ARL8B: variants seen among roughly 807,000 people sequenced by gnomAD.
The protein encoded by ARL8B is ADP-ribosylation factor-like protein 8B.
A neutral mutation model predicts 30.6 loss-of-function variants in ARL8B; 9 were observed. The observed-to-expected ratio is 0.29, with a 90% confidence interval of 0.18 to 0.51. The LOEUF is 0.51. Among genes scored for constraint, ARL8B ranks in the 20% least tolerant of loss-of-function variants. The pLI, the probability that ARL8B is intolerant of heterozygous loss-of-function variation, is 0.97. For missense variants in ARL8B, 130 were observed against 227.2 expected (o/e 0.57, Z 2.75); for synonymous variants, 74 against 76.0 (o/e 0.97, Z 0.14).
In ARL8B at chr3:5,138,190, GT is replaced by G. The variant is rs35653002; in HGVS notation, c.123+15617del. Among the ~76,000 whole-genome samples the G allele has an allele frequency of 2.9e-4, 41 of 141,490 alleles. 1 individual carries two copies. Among genetic ancestry groups the G allele is most frequent in the East Asian group, 1.0e-3 (5 of 4,836 alleles). The allele number at this position is 141,490 out of a possible 152,430, so 92.8% of individuals were successfully genotyped here. A position where few individuals can be genotyped will look rare whatever the true frequency, so the allele number is the denominator to read the frequency against. On this transcript the variant is annotated intron_variant, in intron 1 of 6. Coordinates refer to ENST00000256496, the MANE Select transcript of ARL8B (RefSeq NM_018184.3). ...GTGGAAGAGATGGTGATTGCTCTAA[GT>G]TTTTTTTTTTTTTTCACCAGAGTAG...
chr3:5,136,773 C>A (rs1434093743), intron 1 of ARL8B, among the ~76,000 whole-genome samples: 1 of 152,104 alleles, frequency 6.6e-6, no homozygotes, highest in Non-Finnish European at 1.5e-5. Context: ...GAGACTGAGA[C>A]GCCCAAGATA....
chr3:5,139,500 C>A (rs1458755437), intron 1 of ARL8B, among the ~76,000 whole-genome samples: 1 of 152,144 alleles, frequency 6.6e-6, no homozygotes, highest in African/African-American at 2.4e-5. Context: ...TCCTTGGTCA[C>A]ATTTATAAGT....
chr3:5,159,539 T>C (rs2054562307), intron 1 of ARL8B, among the ~76,000 whole-genome samples: 1 of 145,020 alleles, frequency 6.9e-6, no homozygotes, highest in Non-Finnish European at 1.5e-5. Context: ...GAGGTGGAGT[T>C]TGGGGTGAGC....
chr3:5,147,599 A>G (rs766329816), intron 1 of ARL8B, among the ~76,000 whole-genome samples: 21 of 152,092 alleles, frequency 1.4e-4, no homozygotes, highest in Non-Finnish European at 2.8e-4. Flanking sequence ...TTTTGATTTA[A>G]CGTTTTTCTG....
intron 1 of ARL8B, among the ~76,000 whole-genome samples, chr3:5,167,169 A>G (rs185249254): frequency 6.2e-4 from 94 of 152,314 alleles, no homozygotes; most frequent in Non-Finnish European, 1.2e-3. Flanking sequence ...TTCCAGGTAC[A>G]CTGCCTTGCA....
At chr3:5,130,549 G>A (rs1483490785) in intron 1 of ARL8B, among the ~76,000 whole-genome samples, 8 of 150,644 alleles carry the variant, frequency 5.3e-5, no homozygotes, top group African/African-American at 1.2e-4. Flanking sequence ...TTTTTTTGGC[G>A]GGGGGATGGA....
chr3:5,169,994 C>T (rs866805649), intron 1 of ARL8B, among the ~76,000 whole-genome samples: 5 of 152,116 alleles, frequency 3.3e-5, no homozygotes, highest in Middle Eastern at 3.2e-3. Context: ...ATACTCATGA[C>T]ATTGAGATAA....
chr3:5,125,768 A>T (rs1047576749), intron 1 of ARL8B, among the ~76,000 whole-genome samples: 26 of 152,142 alleles, frequency 1.7e-4, no homozygotes, highest in African/African-American at 6.3e-4. Context: ...CCTGGTCTCA[A>T]GTAATATGCC....
At position 5,161,278 on chromosome 3, in the gene ARL8B, T is replaced by C. The variant is rs537613521; in HGVS notation, c.124-9225T>C. On this transcript the variant is annotated intron_variant, in intron 1 of 6. Transcript: ENST00000256496. ...AAGGCAAATCTGATTGTTTGCCAGA[T>C]TACCATAAACTCAGCAACATCAAAA... Among the ~76,000 whole-genome samples the C allele has an allele frequency of 5.9e-5, 9 of 152,256 alleles. No homozygotes were observed. The South Asian group carries it at 1.9e-3, about 32-fold the overall frequency.
In ARL8B at chr3:5,122,688, A is replaced by C. The variant is rs906194658; in HGVS notation, c.123+100A>C. ...TTGGGGCCCCCCTCGGCGCGATGGG[A>C]CTGATGGCGGGGGGCGTGCGAAGCT... On this transcript the variant is annotated intron_variant, in intron 1 of 6. Coordinates refer to ENST00000256496, the MANE Select transcript of ARL8B (RefSeq NM_018184.3). 79 of 1,341,012 alleles carry C rather than the reference A, an allele frequency of 5.9e-5. No homozygotes were observed. The Admixed American group carries it at 1.2e-3, about 21-fold the overall frequency. 83.1% of individuals were successfully genotyped at this position (1,341,012 alleles called of 1,614,324 possible).
chr3:5,148,883 A>G (rs2054453177), intron 1 of ARL8B, among the ~76,000 whole-genome samples: 1 of 152,148 alleles, frequency 6.6e-6, no homozygotes, highest in Non-Finnish European at 1.5e-5. Context: ...GGAATGTCAG[A>G]GGGAGTCTCT....
At chr3:5,130,400 T>A (rs2054272318) in intron 1 of ARL8B, among the ~76,000 whole-genome samples, 1 of 152,160 alleles carries the variant, frequency 6.6e-6, no homozygotes, top group Non-Finnish European at 1.5e-5. Flanking sequence ...CCCCTTTACT[T>A]ATCATGCTGC....
chr3:5,174,233 G>C (rs2054704986), intron 5 of ARL8B, 111 bp from the exon 6 acceptor site: 2 of 1,067,682 alleles, frequency 1.9e-6, no homozygotes, highest in South Asian at 2.7e-5. Flanking sequence ...TTTTAGGATT[G>C]CTACGATGAT....
intron 1 of ARL8B, among the ~76,000 whole-genome samples, chr3:5,159,356 A>T (rs974105620): frequency 6.6e-6 from 1 of 150,702 alleles, no homozygotes; most frequent in African/African-American, 2.4e-5. Context: ...TAATCCCAGC[A>T]CTTTGGGAGG....
At chr3:5,172,470 C>G (rs1310181054) in intron 3 of ARL8B, among the ~76,000 whole-genome samples, 177 bp from the exon 4 acceptor site, 1 of 152,108 alleles carries the variant, frequency 6.6e-6, no homozygotes, top group South Asian at 2.1e-4. Flanking sequence ...GTATTAGTCT[C>G]TAAAAACAGT....
chr3:5,135,109 A>C (rs533055083), intron 1 of ARL8B, among the ~76,000 whole-genome samples: 2 of 151,984 alleles, frequency 1.3e-5, no homozygotes, highest in Non-Finnish European at 2.9e-5. Context: ...TCAGCCTCCC[A>C]AAGTGTTGGG....
At chr3:5,150,250 G>GT (rs2054468185) in intron 1 of ARL8B, among the ~76,000 whole-genome samples, 1 of 151,932 alleles carries the variant, frequency 6.6e-6, no homozygotes, top group South Asian at 2.1e-4. Flanking sequence ...ATCACCTGAG[G>GT]TTGAGAGTTC....
At chr3:5,136,312 A>T (rs558517810) in intron 1 of ARL8B, among the ~76,000 whole-genome samples, 1 of 152,354 alleles carries the variant, frequency 6.6e-6, no homozygotes, top group African/African-American at 2.4e-5. Flanking sequence ...ATAAACAAAG[A>T]TTAAGTGACA....
At chr3:5,123,880 A>G (rs1208649354) in intron 1 of ARL8B, among the ~76,000 whole-genome samples, 1 of 151,994 alleles carries the variant, frequency 6.6e-6, no homozygotes, top group South Asian at 2.1e-4. Flanking sequence ...ATTATTATTA[A>G]TTTTTTTTCT....
Sources: gnomAD v4.1 joint callset for allele counts (sites outside exome capture counted in the v4.1 genomes callset) on GRCh38, gnomAD v4.1.1 for gene constraint, MANE v1.5 for transcripts, NCBI Gene and HGNC (gene_info 2026-07-23, HGNC 2026-07-21) for gene names.